FGB: variants seen among roughly 807,000 people sequenced by gnomAD.
FGB encodes fibrinogen beta chain.
In FGB, 25 loss-of-function variants were observed where a neutral mutation model predicts 57.9. That is an observed-to-expected ratio of 0.43 (90% confidence interval 0.31 to 0.60). The LOEUF (loss-of-function observed/expected upper bound fraction) is 0.60. FGB is among the 20% of genes least tolerant of loss of function. The pLI is 0.08. For missense variants in FGB, 536 were observed against 598.4 expected (o/e 0.90, Z 1.09); for synonymous variants, 203 against 199.2 (o/e 1.02, Z -0.16).
Position 154,570,660 on chromosome 4 carries a change from C to T in FGB, c.*10C>T, listed in dbSNP as rs376861907. On this transcript the variant is annotated 3_prime_UTR_variant, in exon 8 of 8. Transcript: ENST00000302068. The stretch of plus-strand genomic sequence containing the variant: ...CTTCCCACAGCAATAGTCCCCAATA[C>T]GTAGATTTTTGCTCTTCTGTATGTG... 6.4e-5 allele frequency: 103 copies of T among 1,602,042 alleles called. No individual in the cohort carries two copies. Among genetic ancestry groups the T allele is most frequent in the Middle Eastern group, 1.6e-4 (1 of 6,062 alleles).
chr4:154,570,348 G>A (rs1730366124), intron 7 of FGB, 71 bp from the exon 8 acceptor site: 2 of 1,138,118 alleles, frequency 1.8e-6, no homozygotes, highest in Non-Finnish European at 2.7e-6. Flanking sequence ...AGTCTTTTAT[G>A]GGTAATCTGC....
At position 154,570,314 on chromosome 4, in the gene FGB, G is replaced by T. The variant is rs1248688739; in HGVS notation, c.1245-105G>T. ...CTCTATGTATAGCACCCAAAGGAAA[G>T]ACTACTGTGCACACGAGTGTAGCAG... On this transcript the variant is annotated intron_variant, in intron 7 of 7. Transcript: ENST00000302068. 9 of 815,746 alleles carry T rather than the reference G, an allele frequency of 1.1e-5. No individual in the cohort carries two copies. The East Asian group carries it at 2.1e-4, about 19-fold the overall frequency. The allele number at this position is 815,746 out of a possible 1,614,324, so 50.5% of individuals were successfully genotyped here.
chr4:154,567,872 CA>C lies in FGB; in HGVS notation c.718+57del, dbSNP rs769595739. On this transcript the variant is annotated intron_variant, in intron 4 of 7. Coordinates refer to ENST00000302068, the MANE Select transcript of FGB (RefSeq NM_005141.5). ...GAGAGTTCCAGAAGAACTCACACAC[CA>C]AAAATAAGAGAACAACAACAACAAC... is the stretch of plus-strand genomic sequence containing the variant. The C allele has an allele frequency of 5.5e-6, 7 of 1,274,678 alleles. No individual in the cohort carries two copies. In the East Asian group the frequency reaches 1.6e-4, roughly 29 times the overall value. The allele number at this position is 1,274,678 out of a possible 1,614,324, so 79.0% of individuals were successfully genotyped here. A position where few individuals can be genotyped will look rare whatever the true frequency, so the allele number is the denominator to read the frequency against.
In FGB at chr4:154,567,707, T is replaced by C. The variant is rs121909624; in HGVS notation, c.605T>C (p.Leu202Pro). Reference sequence around the variant, plus strand: ...AACCTTCGTGTGCTTCGTTCAATCCTGGAAAACCTGAGAAGCAAAATACAA... The same window carrying C: ...AACCTTCGTGTGCTTCGTTCAATCCCGGAAAACCTGAGAAGCAAAATACAA... ...PTNLRVLRSI[L>P]ENLRSKIQKL... The change falls in exon 4 of 8, where the codon CTG (leucine) becomes CCG (proline). Residue 202 changes from leucine to proline, a missense_variant. Physicochemically the swap from Leu to Pro is moderately conservative, Grantham distance 98. This residue lies in a region of FGB where 354 missense variants were observed against 383.4 expected (regional missense o/e 0.92). Coordinates refer to ENST00000302068, the MANE Select transcript of FGB (RefSeq NM_005141.5). 1.4e-5 allele frequency: 23 copies of C among 1,613,904 alleles called. No homozygotes were observed. The highest frequency in any genetic ancestry group is 2.2e-5 in the East Asian group (1 of 44,892).
intron 1 of FGB, among the ~76,000 whole-genome samples, chr4:154,564,489 C>T (rs1012708558): frequency 9.2e-5 from 14 of 151,932 alleles, no homozygotes; most frequent in Admixed American, 3.3e-4. Flanking sequence ...ATATATCCTC[C>T]GAATCTTTAC....
Position 154,569,634 on chromosome 4 carries a change from C to T in FGB, c.1079C>T (p.Thr360Ile), listed in dbSNP as rs781689806. ...GTAAAGGCTCACTATGGAGGATTCA[C>T]TGTACAGAATGAAGCCAACAAATAC... The part of the protein sequence containing the change: ...DKVKAHYGGF[T>I]VQNEANKYQI... The change falls in exon 7 of 8, where the codon ACT becomes ATT. Residue 360 changes from threonine (T) to isoleucine (I), a missense_variant. Around this residue, in one of 3 missense-constraint regions of FGB, gnomAD observed 177 missense variants for 193.7 expected, o/e 0.91. Transcript: ENST00000302068. The T allele has an allele frequency of 1.9e-6, 3 of 1,614,096 alleles. No individual in the cohort carries two copies. The highest frequency in any genetic ancestry group is 2.2e-5 in the South Asian group (2 of 91,076).
At chr4:154,565,222 A>G (rs1357574117) in intron 1 of FGB, 2 of 465,444 alleles carry the variant, frequency 4.3e-6, no homozygotes, top group African/African-American at 4.0e-5. Context: ...CAACTTGCCC[A>G]AGGTCTCATA....
chr4:154,563,281 A>G, intron 1 of FGB, 149 bp downstream of exon 1: 1 of 508,290 alleles, frequency 2.0e-6, no homozygotes, highest in Non-Finnish European at 3.4e-6. Flanking sequence ...TATTTAAAGA[A>G]TGTTTCATAG....
At chr4:154,569,469 C>T in intron 6 of FGB, 45 bp from the exon 7 acceptor site, 1 of 1,600,586 alleles carries the variant, frequency 6.2e-7, no homozygotes. Context: ...TTTTAGTTTC[C>T]CAAAATTTTA....
chr4:154,563,427 T>G (rs570370756), intron 1 of FGB, among the ~76,000 whole-genome samples: 58 of 152,058 alleles, frequency 3.8e-4, no homozygotes, highest in African/African-American at 1.4e-3. Flanking sequence ...TTTCATTTAC[T>G]TCTAGCAATA....
chr4:154,563,456 G>T (rs1443774619), intron 1 of FGB, among the ~76,000 whole-genome samples: 2 of 151,756 alleles, frequency 1.3e-5, no homozygotes, highest in African/African-American at 2.4e-5. Flanking sequence ...CAATTAAGAG[G>T]ACAAGATCTG....
chr4:154,563,607 T>C (rs1159427659), intron 1 of FGB, among the ~76,000 whole-genome samples: 1 of 151,960 alleles, frequency 6.6e-6, no homozygotes, highest in African/African-American at 2.4e-5. Flanking sequence ...TAACTAAGCC[T>C]AAAAGCAAAA....
intron 5 of FGB, 83 bp from the exon 6 acceptor site, chr4:154,569,099 G>A: frequency 2.8e-6 from 4 of 1,421,646 alleles, no homozygotes; most frequent in African/African-American, 1.4e-5. Flanking sequence ...AAATGGAATG[G>A]ACAGGGGATT....
chr4:154,569,278 C>G lies in FGB; in HGVS notation c.929C>G (p.Thr310Arg), dbSNP rs1388330406. The G allele has an allele frequency of 3.7e-6, 6 of 1,613,884 alleles. No individual in the cohort carries two copies. The highest frequency in any genetic ancestry group is 5.1e-6 in the Non-Finnish European group (6 of 1,180,000). The change falls in exon 6 of 8, where the codon ACA becomes AGA. Residue 310 changes from threonine (T) to arginine (R), a missense_variant. Physicochemically the swap from Thr to Arg is moderately conservative, Grantham distance 71. Around this residue, in one of 3 missense-constraint regions of FGB, gnomAD observed 354 missense variants for 383.4 expected, o/e 0.92. Transcript: ENST00000302068. ...KQGFGNVATN[T>R]DGKNYCGLPG... ...GGATTTGGAAATGTTGCAACCAACA[C>G]AGATGGGAAGAATTACTGTGGCCTA...
chr4:154,570,375 A>T (rs761100559), intron 7 of FGB, 44 bp from the exon 8 acceptor site: 1 of 1,467,778 alleles, frequency 6.8e-7, no homozygotes, highest in Admixed American at 1.7e-5. Flanking sequence ...TAACTTGACC[A>T]CCGTAGTTCT....
At position 154,567,612 on chromosome 4, in the gene FGB, T is replaced by A. The variant is rs149963684; in HGVS notation, c.510T>A (p.Asn170Lys). 2.3e-4 allele frequency: 364 copies of A among 1,603,154 alleles called. 1 individual carries two copies. In the East Asian group the frequency reaches 7.5e-3, roughly 33 times the overall value. ...KQVKDNENVV[N>K]EYSSELEKHQ... is the part of the protein sequence containing the mutation. ...TTCCAGATAATGAAAATGTAGTCAATGAGTACTCCTCAGAACTGGAAAAGC... is the reference window on the plus strand; with the variant it reads ...TTCCAGATAATGAAAATGTAGTCAAAGAGTACTCCTCAGAACTGGAAAAGC... Residue 170 changes from asparagine to lysine, a missense_variant, in exon 4 of 8, where the codon AAT becomes AAA. Around this residue, in one of 3 missense-constraint regions of FGB, gnomAD observed 354 missense variants for 383.4 expected, o/e 0.92. Transcript: ENST00000302068.
At chr4:154,569,122 T>G (rs941006684) in intron 5 of FGB, 60 bp from the exon 6 acceptor site, 1 of 1,583,210 alleles carries the variant, frequency 6.3e-7, no homozygotes, top group African/African-American at 1.3e-5. Flanking sequence ...GATATTATTT[T>G]CAAAGTGACA....
At chr4:154,566,149 ATTGGGCCTTTGGTTTAGGCTTTC>A in intron 2 of FGB, 150 bp downstream of exon 2, 1 of 823,408 alleles carries the variant, frequency 1.2e-6, no homozygotes, top group Non-Finnish European at 1.9e-6. Context: ...ACATAAACAT[ATTGGGCCTTTGGTTTAGGCTTTC>A]TTTCTTGTTT....
chr4:154,563,859 A>C (rs575524128), intron 1 of FGB, among the ~76,000 whole-genome samples: 2 of 152,152 alleles, frequency 1.3e-5, no homozygotes, highest in South Asian at 4.1e-4. Context: ...AAATTTTATC[A>C]TCAAACGTAT....
Sources: gnomAD v4.1 joint callset for allele counts (sites outside exome capture counted in the v4.1 genomes callset) on GRCh38, gnomAD v4.1.1 for gene constraint, gnomAD v4.1.1 regional missense constraint, MANE v1.5 for transcripts, NCBI Gene and HGNC (gene_info 2026-07-23, HGNC 2026-07-21) for gene names.